The following GLRA1 variants were observed in gnomAD, a reference collection of about 807,000 sequenced individuals.
GLRA1 encodes glycine receptor subunit alpha-1.
In GLRA1, 37 loss-of-function variants were observed where a neutral mutation model predicts 48.3. The observed-to-expected ratio is 0.77, with a 90% CI of 0.59 to 1.01. The LOEUF (loss-of-function observed/expected upper bound fraction) is 1.01. GLRA1 is among the 50% of genes least tolerant of loss of function. The pLI is 0.00. For missense variants in GLRA1, 427 were observed against 571.0 expected (o/e 0.75, Z 2.57); for synonymous variants, 196 against 210.7 (o/e 0.93, Z 0.60).
intron 1 of GLRA1, among the ~76,000 whole-genome samples, chr5:151,921,643 G>T (rs1326772695): frequency 1.3e-5 from 2 of 152,114 alleles, no homozygotes; most frequent in South Asian, 2.1e-4. Flanking sequence ...AGGGCTCTGG[G>T]GATCAAAGCC....
chr5:151,860,151 A>G (rs1465124054), intron 3 of GLRA1, 143 bp from the exon 4 acceptor site: 10 of 702,364 alleles, frequency 1.4e-5, no homozygotes, highest in South Asian at 3.1e-5. Flanking sequence ...GGTGAGACAT[A>G]AAAGGTGTGT....
At chr5:151,832,760 C>T (rs1356013381) in intron 7 of GLRA1, among the ~76,000 whole-genome samples, 2 of 152,176 alleles carry the variant, frequency 1.3e-5, no homozygotes, top group East Asian at 3.8e-4. Context: ...CCCAACCTAG[C>T]AAGACAGGCC....
chr5:151,908,546 C>T (rs942832650), intron 1 of GLRA1, among the ~76,000 whole-genome samples: 1 of 152,136 alleles, frequency 6.6e-6, no homozygotes, highest in Admixed American at 6.5e-5. Context: ...ATTTCCAAGA[C>T]AGAAAGAGAC....
intron 4 of GLRA1, 36 bp downstream of exon 4, chr5:151,859,749 C>T: frequency 6.9e-7 from 1 of 1,441,616 alleles, no homozygotes; most frequent in Non-Finnish European, 9.8e-7. Context: ...AAGACATGTT[C>T]TGAGCAGGGA....
intron 1 of GLRA1, among the ~76,000 whole-genome samples, chr5:151,901,448 G>A (rs937176834): frequency 1.3e-5 from 2 of 152,206 alleles, no homozygotes; most frequent in African/African-American, 4.8e-5. Flanking sequence ...ACAAGCCTAT[G>A]GGGTTTACTC....
At chr5:151,861,196 T>G (rs1199367925) in intron 3 of GLRA1, among the ~76,000 whole-genome samples, 7 of 152,186 alleles carry the variant, frequency 4.6e-5, no homozygotes. Context: ...TACGTGTGCA[T>G]GTGTCTTTAT....
chr5:151,849,143 T>TG (rs1752784300), intron 7 of GLRA1: 2 of 205,740 alleles, frequency 9.7e-6, no homozygotes, highest in African/African-American at 9.3e-5. Context: ...TTTCTTTCTT[T>TG]CTTTCTTTCT....
chr5:151,880,312 A>T (rs1753729379), intron 3 of GLRA1, among the ~76,000 whole-genome samples: 1 of 152,222 alleles, frequency 6.6e-6, no homozygotes, highest in South Asian at 2.1e-4. Flanking sequence ...AGGGCCAGGT[A>T]CCTGGGGGAA....
chr5:151,914,991 G>C (rs192055194), intron 1 of GLRA1, among the ~76,000 whole-genome samples: 1 of 152,262 alleles, frequency 6.6e-6, no homozygotes, highest in Non-Finnish European at 1.5e-5. Context: ...ATGGTGAAAG[G>C]AGTGTTTTCT....
chr5:151,839,271 T>A (rs2113312084), intron 7 of GLRA1, among the ~76,000 whole-genome samples: 1 of 152,298 alleles, frequency 6.6e-6, no homozygotes, highest in South Asian at 2.1e-4. Flanking sequence ...AATAAAAGGA[T>A]GCTAGACAGT....
intron 7 of GLRA1, among the ~76,000 whole-genome samples, chr5:151,840,908 A>C (rs559556562): frequency 6.6e-6 from 1 of 152,300 alleles, no homozygotes; most frequent in Admixed American, 6.5e-5. Flanking sequence ...AATTGAAGCA[A>C]TAAATAGATA....
intron 3 of GLRA1, among the ~76,000 whole-genome samples, chr5:151,880,638 A>G (rs1345891124): frequency 2.6e-5 from 4 of 152,236 alleles, no homozygotes; most frequent in Non-Finnish European, 4.4e-5. Context: ...TCATGTTTAT[A>G]TACAGTTCTA....
chr5:151,890,272 G>T (rs1436544202), intron 2 of GLRA1, among the ~76,000 whole-genome samples: 2 of 152,006 alleles, frequency 1.3e-5, no homozygotes, highest in Non-Finnish European at 2.9e-5. Flanking sequence ...GTTTACTGGG[G>T]CTTTTCTATG....
At position 151,832,966 on chromosome 5, in the gene GLRA1, C is replaced by A. The variant is rs138439554; in HGVS notation, c.913-3899G>T. Reference sequence around the variant, plus strand: ...AGCGGATCTCTCGGCAGAAACCCTACAAGCCAGAAGAGACTGGGGGCCAAT... The same window carrying A: ...AGCGGATCTCTCGGCAGAAACCCTAAAAGCCAGAAGAGACTGGGGGCCAAT... On this transcript the variant is annotated intron_variant, in intron 7 of 8. Transcript: ENST00000274576. 8.5e-3 allele frequency among the ~76,000 whole-genome samples: 1,298 copies of A among 152,316 alleles called. 8 individuals carry two copies. Among genetic ancestry groups the A allele is most frequent in the Non-Finnish European group, 0.015 (1,025 of 68,022 alleles).
In GLRA1 at chr5:151,822,561, AGT is replaced by A; in HGVS notation, c.*110_*111del. The stretch of plus-strand genomic sequence containing the variant: ...TTGCTATTGCACATATTGCAGAGAG[AGT>A]TGTGTAAGTGTGCCCCCTCCCTCCG... On this transcript the variant is annotated 3_prime_UTR_variant, in exon 9 of 9. Transcript: ENST00000274576. 1.3e-6 allele frequency: 1 copy of A among 770,898 alleles called. No individual in the cohort carries two copies. 47.8% of individuals were successfully genotyped at this position (770,898 alleles called of 1,614,324 possible). A position where few individuals can be genotyped will look rare whatever the true frequency, so the allele number is the denominator to read the frequency against.
chr5:151,836,147 G>T (rs1763572758), intron 7 of GLRA1, among the ~76,000 whole-genome samples: 1 of 152,184 alleles, frequency 6.6e-6, no homozygotes, highest in South Asian at 2.1e-4. Context: ...AAAATCACAA[G>T]TATTCCTATA....
Position 151,850,892 on chromosome 5 carries a change from G to C in GLRA1, c.912+498C>G, listed in dbSNP as rs555048535. 2.0e-4 allele frequency: 111 copies of C among 568,034 alleles called. 2 individuals carry two copies. The South Asian group carries it at 2.3e-3, about 12-fold the overall frequency. The allele number at this position is 568,034 out of a possible 1,614,324, so 35.2% of individuals were successfully genotyped here. A position where few individuals can be genotyped will look rare whatever the true frequency, so the allele number is the denominator to read the frequency against. ...TGTCCCAATTGCAACTCAAAGGGTGGAATATAAAGGTCTTTTTTTAATTCA... is the reference window on the plus strand; with the variant it reads ...TGTCCCAATTGCAACTCAAAGGGTGCAATATAAAGGTCTTTTTTTAATTCA... On this transcript the variant is annotated intron_variant, in intron 7 of 8. Transcript: ENST00000274576.
At chr5:151,827,355 T>C (rs1309202049) in intron 8 of GLRA1, among the ~76,000 whole-genome samples, 2 of 152,136 alleles carry the variant, frequency 1.3e-5, no homozygotes, top group African/African-American at 2.4e-5. Context: ...TATTGGAACG[T>C]CGGCCTCCTC....
At chr5:151,834,067 C>T (rs186222834) in intron 7 of GLRA1, among the ~76,000 whole-genome samples, 204 of 152,146 alleles carry the variant, frequency 1.3e-3, no homozygotes, top group African/African-American at 4.6e-3. Context: ...ATTAGATCAA[C>T]GAGACAAAAA....
Sources: gnomAD v4.1 joint callset for allele counts (sites outside exome capture counted in the v4.1 genomes callset) on GRCh38, gnomAD v4.1.1 for gene constraint, MANE v1.5 for transcripts, NCBI Gene and HGNC (gene_info 2026-07-23, HGNC 2026-07-21) for gene names.